The following DIAPH3 variants were observed in gnomAD, a reference collection of about 807,000 sequenced individuals.
DIAPH3 encodes the protein diaphanous related formin 3.
Under a neutral mutation model 144.3 loss-of-function variants are expected in DIAPH3, and 117 were observed. The observed-to-expected ratio is 0.81, with a 90% CI of 0.70 to 0.95. The LOEUF (loss-of-function observed/expected upper bound fraction) is 0.95, where lower values mean the gene tolerates loss of function less well. Ranked by LOEUF, DIAPH3 falls within the 40% of genes least tolerant of loss-of-function variation. DIAPH3 has a pLI of 0.00. For synonymous variants in DIAPH3, 519 were observed against 488.9 expected, an observed-to-expected ratio of 1.06 and a Z score of -0.81; for missense variants, 1,421 against 1,412.7, an observed-to-expected ratio of 1.01 and a Z score of -0.09.
At chr13:59,776,576 AC>A (rs1412867242) in intron 25 of DIAPH3, among the ~76,000 whole-genome samples, 5 of 152,120 alleles carry the variant, frequency 3.3e-5, no homozygotes, top group African/African-American at 1.2e-4. Context: ...AAATCCTAGT[AC>A]TGAAATCAAA....
At chr13:59,683,270 C>T (rs1481705517) in intron 27 of DIAPH3, among the ~76,000 whole-genome samples, 1 of 152,004 alleles carries the variant, frequency 6.6e-6, no homozygotes, top group African/African-American at 2.4e-5. Context: ...TCAGTCAAAC[C>T]TCTCATTTTT....
chr13:60,023,350 T>C (rs953798204), intron 5 of DIAPH3, among the ~76,000 whole-genome samples: 7 of 152,202 alleles, frequency 4.6e-5, no homozygotes, highest in African/African-American at 1.4e-4. Context: ...CCTGTTGATG[T>C]CTTGGTAATA....
intron 4 of DIAPH3, among the ~76,000 whole-genome samples, chr13:60,064,308 G>A (rs986960245): frequency 2.8e-4 from 42 of 152,304 alleles, no homozygotes; most frequent in African/African-American, 9.1e-4. Flanking sequence ...CTCCTAGATG[G>A]CATCTTTTTC....
intron 19 of DIAPH3, among the ~76,000 whole-genome samples, chr13:59,915,023 C>T (rs1368377382): frequency 6.6e-6 from 1 of 152,088 alleles, no homozygotes; most frequent in Non-Finnish European, 1.5e-5. Flanking sequence ...AACAAAACCA[C>T]ATGTTCATTT....
chr13:60,112,102 T>A lies in DIAPH3; in HGVS notation c.298A>T (p.Ser100Cys). The change falls in exon 3 of 28, where the codon AGT (serine) becomes TGT (cysteine). Residue 100 changes from serine (S) to cysteine (C), a missense_variant. Physicochemically the swap from Ser to Cys is moderately radical, Grantham distance 112. Coordinates refer to ENST00000400324, the MANE Select transcript of DIAPH3 (RefSeq NM_001042517.2). ...TCTAAAGGTGCTGCTGAGCAATCAC[T>A]GCTTGCAAATGCAGTCTTCAGGTTG... ...LPNLKTAFASSDCSAAPLEMM... is the reference protein window; with the variant it reads ...LPNLKTAFASCDCSAAPLEMM... The A allele has an allele frequency of 6.2e-7, 1 of 1,614,140 alleles. No homozygotes were observed. Among genetic ancestry groups the A allele is most frequent in the Non-Finnish European group, 8.5e-7 (1 of 1,179,976 alleles).
chr13:60,111,899 T>C (rs1263880478), intron 3 of DIAPH3, 111 bp downstream of exon 3: 16 of 1,037,040 alleles, frequency 1.5e-5, no homozygotes, highest in Non-Finnish European at 1.2e-5. Context: ...TTAAGTGACA[T>C]CAGAAATTAG....
chr13:59,760,882 G>T (rs1265934223), intron 27 of DIAPH3, among the ~76,000 whole-genome samples: 1 of 152,140 alleles, frequency 6.6e-6, no homozygotes, highest in East Asian at 1.9e-4. Flanking sequence ...ACCCAAAGAG[G>T]TTTGACTAAT....
chr13:59,912,002 A>G (rs1156833925), intron 19 of DIAPH3, among the ~76,000 whole-genome samples, 166 bp from the exon 20 acceptor site: 1 of 152,158 alleles, frequency 6.6e-6, no homozygotes, highest in Non-Finnish European at 1.5e-5. Flanking sequence ...TGCATCTTGA[A>G]AACAGTCAAT....
At chr13:60,068,499 T>A (rs1006587278) in intron 4 of DIAPH3, among the ~76,000 whole-genome samples, 16 of 152,172 alleles carry the variant, frequency 1.1e-4, no homozygotes, top group Admixed American at 7.2e-4. Flanking sequence ...TCTTTTTTTT[T>A]ATTCCAACAT....
intron 7 of DIAPH3, 88 bp downstream of exon 7, chr13:60,015,825 C>T (rs570938722): frequency 8.6e-7 from 1 of 1,169,320 alleles, no homozygotes; most frequent in East Asian, 2.4e-5. Context: ...AAAAACACAT[C>T]AGAACAATTT....
intron 27 of DIAPH3, among the ~76,000 whole-genome samples, chr13:59,706,348 C>A (rs1234933299): frequency 6.6e-6 from 1 of 152,188 alleles, no homozygotes; most frequent in Admixed American, 6.5e-5. Flanking sequence ...TTTTGAATCA[C>A]CCTCTAACAT....
intron 27 of DIAPH3, among the ~76,000 whole-genome samples, chr13:59,709,142 A>G (rs559005331): frequency 1.3e-5 from 2 of 152,228 alleles, no homozygotes; most frequent in Non-Finnish European, 2.9e-5. Flanking sequence ...GTATTCTTTC[A>G]GATGAATAAC....
Position 60,016,066 on chromosome 13 carries a change from C to T in DIAPH3, c.701+5G>A. ...TACTTGAAAATAATTATTAGCAATA[C>T]TTACATTTTTCCACTAATCAGTTTT... On this transcript the variant is annotated splice_donor_5th_base_variant and intron_variant, in intron 6 of 27. Transcript: ENST00000400324. 4 of 1,612,596 alleles carry T rather than the reference C, an allele frequency of 2.5e-6. No homozygotes were observed. Among genetic ancestry groups the T allele is most frequent in the Non-Finnish European group, 3.4e-6 (4 of 1,178,986 alleles).
chr13:59,948,634 T>G (rs977211785), intron 17 of DIAPH3, among the ~76,000 whole-genome samples: 1 of 152,032 alleles, frequency 6.6e-6, no homozygotes, highest in African/African-American at 2.4e-5. Context: ...TTCGTATATA[T>G]GTTGGGTGTT....
intron 27 of DIAPH3, among the ~76,000 whole-genome samples, chr13:59,770,148 T>G (rs2038049949): frequency 6.6e-6 from 1 of 152,076 alleles, no homozygotes; most frequent in Non-Finnish European, 1.5e-5. Context: ...ATATCTCCTT[T>G]TGATGATAGA....
intron 17 of DIAPH3, among the ~76,000 whole-genome samples, chr13:59,943,059 G>A (rs565318236): frequency 2.6e-5 from 4 of 152,176 alleles, no homozygotes; most frequent in East Asian, 1.9e-4. Flanking sequence ...TAACTGTGCC[G>A]ATGTAATAAT....
At chr13:59,727,886 G>T (rs900580026) in intron 27 of DIAPH3, among the ~76,000 whole-genome samples, 4 of 152,096 alleles carry the variant, frequency 2.6e-5, no homozygotes, top group African/African-American at 9.7e-5. Flanking sequence ...TTCCATTAAA[G>T]AAGGTGAGTG....
rs2041875597 is a variant in DIAPH3 at position 59,833,261 on chromosome 13, A to G, written c.2873T>C (p.Ile958Thr). 1 of 1,607,358 alleles carries G rather than the reference A, an allele frequency of 6.2e-7. No homozygotes were observed. Among genetic ancestry groups the G allele is most frequent in the African/African-American group, 1.3e-5 (1 of 74,668 alleles). Reference sequence around the variant, plus strand: ...TGTCTCATATTGTTCTTTTGCACTGATAACAAATCTGTATACTATAGTTAA... The same window carrying G: ...TGTCTCATATTGTTCTTTTGCACTGGTAACAAATCTGTATACTATAGTTAA... ...KFVTKMSRFV[I>T]SAKEQYETLS... The change falls in exon 24 of 28, where the codon ATC becomes ACC. Residue 958 changes from isoleucine (I) to threonine (T), a missense_variant. Physicochemically the swap from Ile to Thr is moderately conservative, Grantham distance 89. Coordinates refer to ENST00000400324, the MANE Select transcript of DIAPH3 (RefSeq NM_001042517.2).
At chr13:60,019,188 T>A (rs2053848103) in intron 5 of DIAPH3, among the ~76,000 whole-genome samples, 1 of 152,018 alleles carries the variant, frequency 6.6e-6, no homozygotes, top group East Asian at 1.9e-4. Context: ...AATGAAAAAA[T>A]TTCTCATCAT....
Sources: gnomAD v4.1 joint callset for allele counts (sites outside exome capture counted in the v4.1 genomes callset) on GRCh38, gnomAD v4.1.1 for gene constraint, MANE v1.5 for transcripts, NCBI Gene and HGNC (gene_info 2026-07-23, HGNC 2026-07-21) for gene names.